Variants in CASK observed in about 807,000 individuals in gnomAD.
The protein encoded by CASK is peripheral plasma membrane protein CASK.
Under a neutral mutation model 82.9 loss-of-function variants are expected in CASK, and 4 were observed. The observed-to-expected ratio is 0.05, with a 90% CI of 0.02 to 0.11. CASK has a LOEUF of 0.11. Ranked by LOEUF, CASK falls within the 10% of genes least tolerant of loss-of-function variation. The probability of loss-of-function intolerance (pLI) is 1.00; values close to 1 mark genes in which losing one functional copy is unlikely to be tolerated. For missense variants in CASK, 358 were observed against 720.9 expected (o/e 0.50, Z 5.76); for synonymous variants, 259 against 253.5 (o/e 1.02, Z -0.20).
intron 1 of CASK, among the ~76,000 whole-genome samples, chrX:41,892,907 A>C (rs1569478489): frequency 8.9e-6 from 1 of 112,097 alleles, no homozygotes; most frequent in Non-Finnish European, 1.9e-5. Flanking sequence ...CCCAGGCCTC[A>C]TTCAGGTTAG....
chrX:41,605,381 G>C (rs956941837), intron 12 of CASK, among the ~76,000 whole-genome samples: 1 of 109,304 alleles, frequency 9.1e-6, no homozygotes, highest in African/African-American at 3.3e-5. Context: ...AGAACTGCTT[G>C]AGCCCAAGAG....
intron 24 of CASK, among the ~76,000 whole-genome samples, chrX:41,533,751 C>T (rs1429294210): frequency 8.9e-6 from 1 of 112,043 alleles, no homozygotes; most frequent in African/African-American, 3.2e-5. Flanking sequence ...CCTCCACCTC[C>T]GGATTCAACT....
chrX:41,535,170 A>G (rs1220068739), intron 22 of CASK, among the ~76,000 whole-genome samples, 197 bp from the exon 23 acceptor site: 2 of 111,740 alleles, frequency 1.8e-5, no homozygotes, highest in African/African-American at 6.5e-5. Flanking sequence ...TAAGCCCATG[A>G]AAATGCTCTT....
At chrX:41,698,365 G>A (rs751365911) in intron 5 of CASK, among the ~76,000 whole-genome samples, 3 of 111,841 alleles carry the variant, frequency 2.7e-5, no homozygotes, top group South Asian at 3.7e-4. Context: ...CAATTTTCAT[G>A]TACATTAAAA....
At chrX:41,811,905 A>G (rs1165433289) in intron 2 of CASK, among the ~76,000 whole-genome samples, 13 of 111,944 alleles carry the variant, frequency 1.2e-4, no homozygotes, top group Middle Eastern at 4.2e-3. Context: ...GATAAAGGGG[A>G]TATCACCACC....
intron 2 of CASK, among the ~76,000 whole-genome samples, chrX:41,839,203 T>C (rs1432028967): frequency 8.9e-6 from 1 of 111,797 alleles, no homozygotes; most frequent in African/African-American, 3.3e-5. Context: ...AGGATTTTAA[T>C]TGAAATTGGG....
chrX:41,793,719 T>C (rs947297790), intron 2 of CASK, among the ~76,000 whole-genome samples: 1 of 111,979 alleles, frequency 8.9e-6, no homozygotes, highest in African/African-American at 3.2e-5. Context: ...TCAATAAATA[T>C]TAATAACAAA....
intron 16 of CASK, among the ~76,000 whole-genome samples, chrX:41,564,122 A>C (rs775990354): frequency 4.4e-4 from 49 of 112,190 alleles, no homozygotes; most frequent in African/African-American, 1.5e-3. Flanking sequence ...GAGAAATGCA[A>C]GGGTAGTTTA....
intron 2 of CASK, among the ~76,000 whole-genome samples, chrX:41,820,262 C>T (rs1434494452): frequency 2.8e-5 from 3 of 108,352 alleles, no homozygotes; most frequent in Non-Finnish European, 1.9e-5. Context: ...CACAATTGTT[C>T]AAATAGAAAA....
At chrX:41,612,144 C>T (rs1342969933) in intron 11 of CASK, among the ~76,000 whole-genome samples, 1 of 111,434 alleles carries the variant, frequency 9.0e-6, no homozygotes, top group Non-Finnish European at 1.9e-5. Context: ...TGAGGAGCGT[C>T]TCTGCCTGGC....
chrX:41,784,673 C>T (rs1169618138), intron 3 of CASK, among the ~76,000 whole-genome samples: 2 of 111,091 alleles, frequency 1.8e-5, no homozygotes, highest in Admixed American at 9.6e-5. Context: ...GTCAGGAGTT[C>T]GAGACCAGCC....
At chrX:41,790,087 G>A in intron 2 of CASK, 1 of 326,611 alleles carries the variant, frequency 3.1e-6, no homozygotes, top group Non-Finnish European at 4.7e-6. Flanking sequence ...GCACCACTAT[G>A]CCTGGCTAAT....
At chrX:41,642,105 A>G (rs532650697) in intron 8 of CASK, among the ~76,000 whole-genome samples, 6 of 111,127 alleles carry the variant, frequency 5.4e-5, no homozygotes, top group African/African-American at 2.0e-4. Context: ...ATAGTATTCC[A>G]TGGTGTATAT....
chrX:41,733,898 C>T (rs2068452021), intron 5 of CASK, among the ~76,000 whole-genome samples: 1 of 111,616 alleles, frequency 9.0e-6, no homozygotes, highest in Non-Finnish European at 1.9e-5. Flanking sequence ...CAAGAGACTA[C>T]GGAATGCTTT....
At chrX:41,548,091 T>C (rs1000491080) in intron 21 of CASK, among the ~76,000 whole-genome samples, 2 of 112,292 alleles carry the variant, frequency 1.8e-5, no homozygotes, top group Non-Finnish European at 3.8e-5. Context: ...TCAGGTTAAG[T>C]TCCCCTCAAT....
At chrX:41,664,318 C>A (rs966593046) in intron 7 of CASK, among the ~76,000 whole-genome samples, 1 of 111,661 alleles carries the variant, frequency 9.0e-6, no homozygotes, top group Non-Finnish European at 1.9e-5. Flanking sequence ...TTCCAAGTCC[C>A]ATATAAAATT....
At chrX:41,752,084 A>C (rs1374593506) in intron 3 of CASK, among the ~76,000 whole-genome samples, 1 of 108,243 alleles carries the variant, frequency 9.2e-6, no homozygotes, top group Non-Finnish European at 1.9e-5. Flanking sequence ...AAAACACCCC[A>C]AAAACCTCAA....
At chrX:41,572,085 CTTT>C (rs755117126) in intron 15 of CASK, among the ~76,000 whole-genome samples, 2 of 98,458 alleles carry the variant, frequency 2.0e-5, no homozygotes, top group African/African-American at 3.7e-5. Flanking sequence ...TATCTTCTTA[CTTT>C]TTTTTTTTTT....
chrX:41,910,089 G>T (rs1428707776), intron 1 of CASK, among the ~76,000 whole-genome samples: 3 of 111,095 alleles, frequency 2.7e-5, no homozygotes, highest in African/African-American at 9.8e-5. Flanking sequence ...GGGCGTGGTG[G>T]TGCACATGTG....
Sources: gnomAD v4.1 joint callset for allele counts (sites outside exome capture counted in the v4.1 genomes callset) on GRCh38, gnomAD v4.1.1 for gene constraint, MANE v1.5 for transcripts, NCBI Gene and HGNC (gene_info 2026-07-23, HGNC 2026-07-21) for gene names.